TRPC5: variants seen among roughly 807,000 people sequenced by gnomAD.
TRPC5 encodes the protein transient receptor potential cation channel subfamily C member 5.
Under a neutral mutation model 56.5 loss-of-function variants are expected in TRPC5, and 9 were observed. The ratio of observed to expected loss-of-function variants is 0.16; its 90% CI spans 0.10 to 0.28. The LOEUF (loss-of-function observed/expected upper bound fraction) is 0.28, where lower values mean the gene tolerates loss of function less well. Ranked by LOEUF, TRPC5 falls within the 10% of genes least tolerant of loss-of-function variation. The pLI is 1.00. For missense variants in TRPC5, 469 were observed against 748.9 expected (o/e 0.63, Z 4.36); for synonymous variants, 282 against 278.5 (o/e 1.01, Z -0.13).
Position 111,769,034 on chromosome X carries a change from T to C in TRPC5, c.*7279A>G, listed in dbSNP as rs1945829044. Reference sequence around the variant, plus strand: ...ATACAGGAAATACTTAATCTGAATATGTGACTTTCAAATGACCTGAACACA... The same window carrying C: ...ATACAGGAAATACTTAATCTGAATACGTGACTTTCAAATGACCTGAACACA... On this transcript the variant is annotated 3_prime_UTR_variant, in exon 11 of 11. Transcript: ENST00000262839. 8.9e-6 allele frequency among the ~76,000 whole-genome samples: 1 copy of C among 112,133 alleles called. No individual in the cohort carries two copies. The highest frequency in any genetic ancestry group is 1.9e-5 in the Non-Finnish European group (1 of 53,161).
intron 2 of TRPC5, among the ~76,000 whole-genome samples, chrX:111,914,983 T>C (rs1415583244): frequency 2.7e-5 from 3 of 111,245 alleles, no homozygotes; most frequent in African/African-American, 6.5e-5. Flanking sequence ...GAGGCTAACC[T>C]GTAGCACAGG....
chrX:112,005,730 T>G, intron 1 of TRPC5, among the ~76,000 whole-genome samples: 1 of 111,335 alleles, frequency 9.0e-6, no homozygotes, highest in South Asian at 3.8e-4. Context: ...GCAAAAAGCT[T>G]AAGCTGGGGT....
At chrX:111,786,757 G>A (rs1429646905) in intron 7 of TRPC5, among the ~76,000 whole-genome samples, 1 of 110,934 alleles carries the variant, frequency 9.0e-6, no homozygotes, top group East Asian at 2.8e-4. Flanking sequence ...AAAAGCAGGG[G>A]TTGCAATCCT....
intron 1 of TRPC5, among the ~76,000 whole-genome samples, chrX:112,079,786 A>G (rs976004517): frequency 3.9e-4 from 43 of 111,654 alleles, no homozygotes; most frequent in African/African-American, 1.3e-3. Context: ...GTTGAGATGT[A>G]CACTGAAGCC....
At chrX:112,055,118 A>G (rs966830600) in intron 1 of TRPC5, among the ~76,000 whole-genome samples, 2 of 112,500 alleles carry the variant, frequency 1.8e-5, no homozygotes, top group Non-Finnish European at 1.9e-5. Context: ...GTGAAATTAC[A>G]TATTATACTG....
intron 1 of TRPC5, among the ~76,000 whole-genome samples, chrX:111,994,453 G>C (rs997626047): frequency 3.0e-4 from 33 of 111,551 alleles, no homozygotes; most frequent in Non-Finnish European, 1.3e-4. Flanking sequence ...GTCATTGGTA[G>C]CTTGATGGGG....
chrX:111,853,867 C>T lies in TRPC5; in HGVS notation c.1140G>A (p.Met380Ile). 3.3e-6 allele frequency: 4 copies of T among 1,211,761 alleles called. No individual in the cohort carries two copies. In the East Asian group the frequency reaches 1.2e-4, roughly 36 times the overall value. Residue 380 changes from methionine to isoleucine, a missense_variant, in exon 4 of 11, where the codon ATG becomes ATA. By Grantham distance (10) the Met-to-Ile change is conservative. Around this residue, in one of 3 missense-constraint regions of TRPC5, gnomAD observed 157 missense variants for 360.0 expected, o/e 0.44. Coordinates refer to ENST00000262839, the MANE Select transcript of TRPC5 (RefSeq NM_012471.3). ...CAATGTGCTGAGAAGCCAGGAGAAG[C>T]ATAAAGAGGAAGGTCAAATAGGATG... ...HTASYLTFLF[M>I]LLLASQHIVR...
chrX:112,011,462 T>C (rs1928990026), intron 1 of TRPC5, among the ~76,000 whole-genome samples: 1 of 111,972 alleles, frequency 8.9e-6, no homozygotes, highest in Non-Finnish European at 1.9e-5. Flanking sequence ...AGACTGGCCC[T>C]ATGAAACAGC....
At chrX:111,827,896 GTCAC>G in intron 7 of TRPC5, among the ~76,000 whole-genome samples, 1 of 111,058 alleles carries the variant, frequency 9.0e-6, no homozygotes, top group East Asian at 2.8e-4. Context: ...TAAGTGATCT[GTCAC>G]TCACTCCCAT....
chrX:112,008,585 G>C (rs1001804094), intron 1 of TRPC5, among the ~76,000 whole-genome samples: 1 of 99,281 alleles, frequency 1.0e-5, no homozygotes, highest in Non-Finnish European at 2.0e-5. Context: ...GGGTGACAAA[G>C]CAAGACTCTG....
At chrX:111,802,722 T>C (rs1256791773) in intron 7 of TRPC5, among the ~76,000 whole-genome samples, 1 of 111,442 alleles carries the variant, frequency 9.0e-6, no homozygotes, top group African/African-American at 3.3e-5. Context: ...AATATATCAT[T>C]CCTGAGGGAG....
intron 1 of TRPC5, among the ~76,000 whole-genome samples, chrX:111,959,736 A>C (rs1927325573): frequency 9.0e-6 from 1 of 111,657 alleles, no homozygotes; most frequent in Admixed American, 9.5e-5. Context: ...TATTGATCAA[A>C]GGTTCTCAAC....
At chrX:112,029,142 C>A (rs774703175) in intron 1 of TRPC5, among the ~76,000 whole-genome samples, 2 of 110,654 alleles carry the variant, frequency 1.8e-5, no homozygotes, top group African/African-American at 3.3e-5. Flanking sequence ...TCCAACCCCC[C>A]GTTACCCTTC....
rs974689539 is a variant in TRPC5 at position 112,004,649 on chromosome X, C to G, written c.-21-52208G>C. 4.4e-4 allele frequency among the ~76,000 whole-genome samples: 49 copies of G among 111,578 alleles called. 1 individual carries two copies. Among genetic ancestry groups the G allele is most frequent in the Admixed American group, 9.6e-5 (1 of 10,463 alleles). ...TGGATCCCAGCAAGTTGTATTTCAGCAAGCCCTCCAGGAAATTCTGAGGCA... is the reference window on the plus strand; with the variant it reads ...TGGATCCCAGCAAGTTGTATTTCAGGAAGCCCTCCAGGAAATTCTGAGGCA... On this transcript the variant is annotated intron_variant, in intron 1 of 10. Transcript: ENST00000262839.
At chrX:111,966,981 C>A (rs1235595678) in intron 1 of TRPC5, among the ~76,000 whole-genome samples, 1 of 111,303 alleles carries the variant, frequency 9.0e-6, no homozygotes, top group African/African-American at 3.3e-5. Context: ...CTGGCTAGGG[C>A]AATTAGGCAG....
chrX:111,996,239 T>A (rs1018037863), intron 1 of TRPC5, among the ~76,000 whole-genome samples: 1 of 112,005 alleles, frequency 8.9e-6, no homozygotes, highest in Non-Finnish European at 1.9e-5. Flanking sequence ...ATTTCCTTAT[T>A]TACCCAGTAG....
intron 1 of TRPC5, among the ~76,000 whole-genome samples, chrX:112,018,327 C>T (rs1014186823): frequency 3.6e-5 from 4 of 112,471 alleles, no homozygotes; most frequent in African/African-American, 6.4e-5. Context: ...TTGTATTGAA[C>T]GCTGAAACTT....
chrX:112,028,974 A>G (rs1182071868), intron 1 of TRPC5, among the ~76,000 whole-genome samples: 3 of 111,883 alleles, frequency 2.7e-5, no homozygotes, highest in African/African-American at 9.7e-5. Context: ...AATTTGTTGA[A>G]TTTTCTGCTG....
rs1927100870 is a variant in TRPC5 at position 111,952,043 on chromosome X, C to T, written c.378G>A (p.Gln126=). The change falls in exon 2 of 11, where the codon CAG becomes CAA. Residue 126 remains glutamine, a splice_region_variant and synonymous_variant. Coordinates refer to ENST00000262839, the MANE Select transcript of TRPC5 (RefSeq NM_012471.3). ...CCCAGCCTATAGGAATTTCTCTTAC[C>T]TGCTTCTCTCCGCTGGGCCGCCTGT... is the stretch of plus-strand genomic sequence containing the variant. ...LSYRRPSGEK[Q]VPTLMMDTQF... 1 of 1,199,890 alleles carries T rather than the reference C, an allele frequency of 8.3e-7. No individual in the cohort carries two copies. Among genetic ancestry groups the T allele is most frequent in the South Asian group, 1.8e-5 (1 of 55,209 alleles).
Sources: gnomAD v4.1 joint callset for allele counts (sites outside exome capture counted in the v4.1 genomes callset) on GRCh38, gnomAD v4.1.1 for gene constraint, gnomAD v4.1.1 regional missense constraint, MANE v1.5 for transcripts, NCBI Gene and HGNC (gene_info 2026-07-23, HGNC 2026-07-21) for gene names.